The following FUT8 variants were observed in gnomAD, a reference collection of about 807,000 sequenced individuals.
The protein encoded by FUT8 is alpha-(1,6)-fucosyltransferase.
In FUT8, 29 loss-of-function variants were observed where a neutral mutation model predicts 71.3. The ratio of observed to expected loss-of-function variants is 0.41; its 90% CI spans 0.30 to 0.55. FUT8 has a LOEUF of 0.55. Ranked by LOEUF, FUT8 falls within the 20% of genes least tolerant of loss-of-function variation. The probability of loss-of-function intolerance (pLI) is 0.34; values close to 1 mark genes in which losing one functional copy is unlikely to be tolerated. For synonymous variants in FUT8, 254 were observed against 239.3 expected (o/e 1.06, Z -0.57); for missense variants, 544 against 702.1 (o/e 0.77, Z 2.55).
intron 3 of FUT8, among the ~76,000 whole-genome samples, chr14:65,599,075 C>T (rs1171189350): frequency 6.6e-6 from 1 of 152,210 alleles, no homozygotes; most frequent in African/African-American, 2.4e-5. Flanking sequence ...AGGTGTGAGT[C>T]ACCACGCCTG....
rs919988713 is a variant in FUT8, at chr14:65,696,086, A to G, written c.836-25689A>G. ...TTACTATCATTCGTGTTAGTTATCC[A>G]TAAGCTATGATCACCAAATACATTG... On this transcript the variant is annotated intron_variant, in intron 7 of 10. Transcript: ENST00000673929. 2.0e-5 allele frequency among the ~76,000 whole-genome samples: 3 copies of G among 152,158 alleles called. No individual in the cohort carries two copies. The South Asian group carries it at 6.2e-4, about 32-fold the overall frequency.
At chr14:65,602,070 C>T (rs1437678202) in intron 3 of FUT8, among the ~76,000 whole-genome samples, 1 of 151,706 alleles carries the variant, frequency 6.6e-6, no homozygotes, top group South Asian at 2.1e-4. Flanking sequence ...TTTTGATACA[C>T]TCATCACCCG....
At chr14:65,732,250 T>G (rs897922707) in intron 9 of FUT8, among the ~76,000 whole-genome samples, 1 of 152,204 alleles carries the variant, frequency 6.6e-6, no homozygotes, top group Non-Finnish European at 1.5e-5. Context: ...GGAAAGCTCC[T>G]TGGTGGCCAT....
chr14:65,553,283 A>AAT (rs914179351), intron 2 of FUT8, among the ~76,000 whole-genome samples: 12 of 152,284 alleles, frequency 7.9e-5, no homozygotes, highest in African/African-American at 2.2e-4. Context: ...ACTTTCAAAT[A>AAT]ATATAGCAGT....
chr14:65,692,400 CG>C (rs1893682461), intron 7 of FUT8, among the ~76,000 whole-genome samples: 16 of 127,670 alleles, frequency 1.3e-4, no homozygotes, highest in African/African-American at 4.2e-4. Context: ...GCTGGCCGGG[CG>C]GGGGGCTGAC....
the FUT8 span, among the ~76,000 whole-genome samples, chr14:65,382,446 C>A: frequency 6.6e-6 from 1 of 152,146 alleles, no homozygotes; most frequent in Non-Finnish European, 1.5e-5. Context: ...AAGTGATTCT[C>A]ATGCCTCAGC....
intron 3 of FUT8, among the ~76,000 whole-genome samples, chr14:65,596,632 A>G (rs907152077): frequency 7.2e-5 from 11 of 152,290 alleles, no homozygotes; most frequent in Admixed American, 3.3e-4. Context: ...ATAATTTTCA[A>G]CCAATACCTT....
intron 7 of FUT8, among the ~76,000 whole-genome samples, chr14:65,685,274 T>C (rs1893228850): frequency 6.6e-6 from 1 of 152,178 alleles, no homozygotes; most frequent in African/African-American, 2.4e-5. Flanking sequence ...CAGTTTTCCC[T>C]GGCAGCACTG....
intron 2 of FUT8, among the ~76,000 whole-genome samples, chr14:65,507,862 T>C (rs2066760823): frequency 6.6e-6 from 1 of 152,192 alleles, no homozygotes; most frequent in African/African-American, 2.4e-5. Flanking sequence ...TTTTTAGTTT[T>C]TTTAAGGAAC....
chr14:65,502,005 A>G (rs990114807), intron 2 of FUT8, among the ~76,000 whole-genome samples: 3 of 151,588 alleles, frequency 2.0e-5, no homozygotes, highest in African/African-American at 7.3e-5. Flanking sequence ...CGAGCTCCCA[A>G]ACTCAAGCAG....
chr14:65,701,392 T>G (rs8019491), intron 7 of FUT8, among the ~76,000 whole-genome samples: 20,094 of 152,178 alleles, frequency 0.13, 1,692 homozygotes, highest in East Asian at 0.38. Context: ...AATAAACCTC[T>G]TTGTGATAAA....
chr14:65,677,135 T>C (rs1266510238), intron 7 of FUT8, among the ~76,000 whole-genome samples: 1 of 107,984 alleles, frequency 9.3e-6, no homozygotes, highest in Non-Finnish European at 2.1e-5. Flanking sequence ...TGTGTGTGTG[T>C]GTGTGTGTGT....
rs769620375 is a variant in FUT8 at position 65,561,647 on chromosome 14, C to T, written c.84C>T (p.His28=). Residue 28 remains histidine, a synonymous_variant, in exon 3 of 11, where the codon CAC becomes CAT. Coordinates refer to ENST00000673929, the MANE Select transcript of FUT8 (RefSeq NM_001371533.1). The part of the protein sequence containing the change: ...WGTLLFYIGG[H]LVRDNDHPDH... Reference sequence around the variant, plus strand: ...CCTTGCTGTTTTATATAGGTGGTCACTTGGTACGAGATAATGACCATCCTG... The same window carrying T: ...CCTTGCTGTTTTATATAGGTGGTCATTTGGTACGAGATAATGACCATCCTG... The T allele has an allele frequency of 1.2e-5, 19 of 1,613,402 alleles. No individual in the cohort carries two copies. The highest frequency in any genetic ancestry group is 1.2e-4 in the Admixed American group (7 of 59,946).
the FUT8 span, among the ~76,000 whole-genome samples, chr14:65,387,858 A>T: frequency 6.6e-6 from 1 of 152,222 alleles, no homozygotes; most frequent in Non-Finnish European, 1.5e-5. Flanking sequence ...AATCAGGCCC[A>T]TGTTATTCCA....
At chr14:65,661,954 C>A (rs1375923361) in intron 6 of FUT8, among the ~76,000 whole-genome samples, 1 of 152,176 alleles carries the variant, frequency 6.6e-6, no homozygotes, top group Non-Finnish European at 1.5e-5. Context: ...CTAAGGACTG[C>A]TGCTTTCCTT....
chr14:65,416,499 A>G (rs2065221034), intron 1 of FUT8, among the ~76,000 whole-genome samples: 1 of 152,074 alleles, frequency 6.6e-6, no homozygotes, highest in Non-Finnish European at 1.5e-5. Context: ...TTCTGTTGAT[A>G]CTTTTCAAAG....
chr14:65,370,174 A>C, the FUT8 span, among the ~76,000 whole-genome samples: 21 of 149,978 alleles, frequency 1.4e-4, no homozygotes, highest in Admixed American at 2.7e-4. Context: ...AAATGGCAGG[A>C]AGTCACTGCT....
At chr14:65,465,716 C>T (rs1364662043) in intron 2 of FUT8, among the ~76,000 whole-genome samples, 3 of 152,066 alleles carry the variant, frequency 2.0e-5, no homozygotes, top group African/African-American at 4.8e-5. Context: ...GTGAAATGTT[C>T]CCTGTGGATT....
chr14:65,547,315 G>T (rs571894312), intron 2 of FUT8, among the ~76,000 whole-genome samples: 1 of 151,248 alleles, frequency 6.6e-6, no homozygotes, highest in Non-Finnish European at 1.5e-5. Context: ...TACCTCTTGA[G>T]GTATAATATA....
Sources: allele counts gnomAD v4.1 joint callset (sites outside exome capture counted in the v4.1 genomes callset), GRCh38; gene constraint gnomAD v4.1.1; transcripts MANE v1.5; gene names NCBI Gene and HGNC (gene_info 2026-07-23, HGNC 2026-07-21).